SLC25A21: variants seen among roughly 807,000 people sequenced by gnomAD.
The protein encoded by SLC25A21 is solute carrier family 25 member 21, also known as mitochondrial 2-oxodicarboxylate carrier.
Under a neutral mutation model 43.8 loss-of-function variants are expected in SLC25A21, and 47 were observed. The ratio of observed to expected loss-of-function variants is 1.07; its 90% confidence interval spans 0.85 to 1.37. The LOEUF (loss-of-function observed/expected upper bound fraction) is 1.37. SLC25A21 is among the 40% of genes most tolerant of loss of function. SLC25A21 has a pLI of 0.00. For synonymous variants in SLC25A21, 131 were observed against 121.3 expected (o/e 1.08, Z -0.52); for missense variants, 352 against 350.2 (o/e 1.00, Z -0.04).
intron 1 of SLC25A21, among the ~76,000 whole-genome samples, chr14:37,023,087 C>T (rs78073554): frequency 2.0e-5 from 3 of 151,934 alleles, no homozygotes; most frequent in East Asian, 3.9e-4. Context: ...TACCAACAAG[C>T]TGAACACATC....
chr14:37,054,114 A>G (rs75669642), intron 1 of SLC25A21, among the ~76,000 whole-genome samples: 4 of 152,194 alleles, frequency 2.6e-5, no homozygotes, highest in Admixed American at 2.0e-4. Context: ...CTAGGTTACA[A>G]TAAGCCTTGC....
chr14:37,135,826 C>T (rs1210380644), intron 1 of SLC25A21, among the ~76,000 whole-genome samples: 1 of 152,192 alleles, frequency 6.6e-6, no homozygotes, highest in Non-Finnish European at 1.5e-5. Context: ...GTTACGTGAC[C>T]TCCTCAGTTT....
chr14:36,885,313 T>C (rs562278041), intron 1 of SLC25A21, among the ~76,000 whole-genome samples: 9 of 152,212 alleles, frequency 5.9e-5, no homozygotes, highest in Admixed American at 1.3e-4. Context: ...TTCTGTTCCA[T>C]TGATCAATGT....
Position 36,816,497 on chromosome 14 carries a change from C to CTT in SLC25A21, c.120-2498_120-2497dup, listed in dbSNP as rs373274280. ...AATGACACATTTAACATATTCTCCT[C>CTT]TTTTTTTTTTTTTTTTTTGAGACAG... On this transcript the variant is annotated intron_variant, in intron 2 of 9. Coordinates refer to ENST00000331299, the MANE Select transcript of SLC25A21 (RefSeq NM_030631.4). Among the ~76,000 whole-genome samples the CTT allele has an allele frequency of 1.6e-3, 208 of 131,814 alleles. 1 individual carries two copies. Among genetic ancestry groups the CTT allele is most frequent in the Middle Eastern group, 4.1e-3 (1 of 242 alleles). 86.5% of individuals were successfully genotyped at this position (131,814 alleles called of 152,430 possible).
rs553569264 is a variant in SLC25A21 at position 36,766,626 on chromosome 14, C to T, written c.204-32053G>A. On this transcript the variant is annotated intron_variant, in intron 3 of 9. Transcript: ENST00000331299. Reference sequence around the variant, plus strand: ...TGCTGGTTGCTCTTTGAACATGCCCCGTGCTTTCTGGCCTCTGGGTCTTTG... The same window carrying T: ...TGCTGGTTGCTCTTTGAACATGCCCTGTGCTTTCTGGCCTCTGGGTCTTTG... 2.0e-4 allele frequency among the ~76,000 whole-genome samples: 31 copies of T among 152,220 alleles called. No individual in the cohort carries two copies. The South Asian group carries it at 4.4e-3, about 21-fold the overall frequency.
At chr14:36,948,879 C>T (rs1306552231) in intron 1 of SLC25A21, among the ~76,000 whole-genome samples, 1 of 152,070 alleles carries the variant, frequency 6.6e-6, no homozygotes, top group Admixed American at 6.6e-5. Flanking sequence ...CCTGTTTCTA[C>T]TTTTCTCTAA....
chr14:36,855,685 G>A (rs1043005728), intron 2 of SLC25A21, among the ~76,000 whole-genome samples: 10 of 152,254 alleles, frequency 6.6e-5, no homozygotes, highest in East Asian at 1.9e-4. Flanking sequence ...TCTGATACAC[G>A]CTCAAGTTTG....
At chr14:37,071,695 T>C (rs1962176635) in intron 1 of SLC25A21, among the ~76,000 whole-genome samples, 1 of 152,190 alleles carries the variant, frequency 6.6e-6, no homozygotes, top group Admixed American at 6.5e-5. Context: ...CAAGACAGAC[T>C]AGAAAAACAC....
intron 1 of SLC25A21, among the ~76,000 whole-genome samples, chr14:36,997,291 G>T (rs932615970): frequency 6.6e-6 from 1 of 152,034 alleles, no homozygotes; most frequent in African/African-American, 2.4e-5. Context: ...CTATGCTCCC[G>T]CGGAGCTATA....
chr14:36,915,556 C>T (rs1262386322), intron 1 of SLC25A21, among the ~76,000 whole-genome samples: 1 of 152,136 alleles, frequency 6.6e-6, no homozygotes, highest in Non-Finnish European at 1.5e-5. Flanking sequence ...ATATGGTCAT[C>T]TGCATAAGGC....
intron 1 of SLC25A21, among the ~76,000 whole-genome samples, chr14:36,920,693 A>G (rs1283341049): frequency 6.6e-6 from 1 of 152,072 alleles, no homozygotes; most frequent in African/African-American, 2.4e-5. Flanking sequence ...AGATAACTAC[A>G]GTAGACAAAA....
At chr14:36,781,670 T>C (rs968385171) in intron 3 of SLC25A21, among the ~76,000 whole-genome samples, 1 of 152,220 alleles carries the variant, frequency 6.6e-6, no homozygotes, top group South Asian at 2.1e-4. Context: ...TTCTTTTTTA[T>C]TGTGTATCCA....
intron 7 of SLC25A21, among the ~76,000 whole-genome samples, chr14:36,703,067 A>G (rs1381085987): frequency 6.6e-6 from 1 of 152,162 alleles, no homozygotes; most frequent in African/African-American, 2.4e-5. Context: ...TAGAAAGGAG[A>G]GTTTTTCTTA....
chr14:37,154,263 C>T (rs1273322752), intron 1 of SLC25A21, among the ~76,000 whole-genome samples: 1 of 152,130 alleles, frequency 6.6e-6, no homozygotes, highest in Non-Finnish European at 1.5e-5. Context: ...ATCACTAATC[C>T]TGTTTAGAGC....
intron 1 of SLC25A21, among the ~76,000 whole-genome samples, chr14:37,117,111 CAA>C (rs1193190496): frequency 2.6e-5 from 4 of 152,062 alleles, no homozygotes; most frequent in Non-Finnish European, 4.4e-5. Context: ...TTGATATTGA[CAA>C]AGGGCACTGT....
At position 36,831,831 on chromosome 14, in the gene SLC25A21, G is replaced by A. The variant is rs185404912; in HGVS notation, c.120-17830C>T. 5.8e-4 allele frequency among the ~76,000 whole-genome samples: 88 copies of A among 152,238 alleles called. No homozygotes were observed. In the East Asian group the frequency reaches 0.015, roughly 26 times the overall value. ...ATCTAGCAAACTGTTCTAAGAAATC[G>A]AAAATGGAGTCTACTGAATTAAATT... On this transcript the variant is annotated intron_variant, in intron 2 of 9. Transcript: ENST00000331299.
In SLC25A21 at chr14:36,679,228, T is replaced by C. The variant is rs183106288; in HGVS notation, c.*1430A>G. ...TTTTTAATGACCCTTTTATTGAATA[T>C]TGGACTGAAATATAAATTTTAAAAA... On this transcript the variant is annotated 3_prime_UTR_variant, in exon 10 of 10. Transcript: ENST00000331299. The C allele has an allele frequency of 1.8e-4, 179 of 984,512 alleles. No homozygotes were observed. Among genetic ancestry groups the C allele is most frequent in the Admixed American group, 3.1e-4 (5 of 16,270 alleles). The allele number at this position is 984,512 out of a possible 1,614,324, so 61.0% of individuals were successfully genotyped here.
At chr14:36,689,443 T>G (rs1024452811) in intron 7 of SLC25A21, among the ~76,000 whole-genome samples, 2 of 152,216 alleles carry the variant, frequency 1.3e-5, no homozygotes, top group African/African-American at 2.4e-5. Context: ...TTATTAGGCT[T>G]GTAAAAGCTT....
chr14:36,857,856 G>A (rs1397224855), intron 2 of SLC25A21, among the ~76,000 whole-genome samples: 1 of 152,158 alleles, frequency 6.6e-6, no homozygotes, highest in African/African-American at 2.4e-5. Flanking sequence ...GCACCTATAG[G>A]GTCAACAATT....
Sources: allele counts gnomAD v4.1 joint callset (sites outside exome capture counted in the v4.1 genomes callset), GRCh38; gene constraint gnomAD v4.1.1; transcripts MANE v1.5; gene names NCBI Gene and HGNC (gene_info 2026-07-23, HGNC 2026-07-21).